The following GRIP2 variants were observed in gnomAD, a reference collection of about 807,000 sequenced individuals.
The protein encoded by GRIP2 is glutamate receptor interacting protein 2, also known as glutamate receptor-interacting protein 2.
In GRIP2, 58 loss-of-function variants were observed where a neutral mutation model predicts 108.3. That is an observed-to-expected ratio of 0.54 (90% confidence interval 0.43 to 0.67). The LOEUF (loss-of-function observed/expected upper bound fraction) is 0.67, where lower values mean the gene tolerates loss of function less well. GRIP2 is among the 30% of genes least tolerant of loss of function. The probability of loss-of-function intolerance (pLI) is 0.00; values close to 1 mark genes in which losing one functional copy is unlikely to be tolerated. For missense variants in GRIP2, 1,278 were observed against 1,430.6 expected, an observed-to-expected ratio of 0.89 and a Z score of 1.72; for synonymous variants, 586 against 598.2, an observed-to-expected ratio of 0.98 and a Z score of 0.30.
chr3:14,587,122 G>A, the GRIP2 span, among the ~76,000 whole-genome samples: 1 of 152,110 alleles, frequency 6.6e-6, no homozygotes, highest in African/African-American at 2.4e-5. Flanking sequence ...TCACTTAAGA[G>A]GATTTATTTT....
chr3:14,498,201 C>G (rs541662307), intron 21 of GRIP2, among the ~76,000 whole-genome samples: 9 of 152,170 alleles, frequency 5.9e-5, no homozygotes, highest in Admixed American at 3.3e-4. Flanking sequence ...GTGGTTTATG[C>G]TTGTAATCCC....
Position 14,514,429 on chromosome 3 carries a change from C to T in GRIP2, c.1356G>A (p.Thr452=), listed in dbSNP as rs768473053. Residue 452 remains threonine (T), a synonymous_variant, in exon 12 of 24, where the codon ACG becomes ACA. Coordinates refer to ENST00000621039, the MANE Select transcript of GRIP2 (RefSeq NM_001080423.4). ...CACAGAGCACGACCTCCGTGGTCTC[C>T]GTGTGCACAATCTGCCCGCCCGGCC... ...TVGPGGQIVH[T]ETTEVVLCGD... is the part of the protein sequence containing the mutation. The T allele has an allele frequency of 8.2e-6, 13 of 1,577,420 alleles. No individual in the cohort carries two copies. The highest frequency in any genetic ancestry group is 2.7e-5 in the African/African-American group (2 of 74,152).
At chr3:14,532,674 G>A (rs1694739245) in intron 1 of GRIP2, among the ~76,000 whole-genome samples, 1 of 151,982 alleles carries the variant, frequency 6.6e-6, no homozygotes, top group Non-Finnish European at 1.5e-5. Context: ...AGGGGAGGGG[G>A]TTCAACCTGG....
the GRIP2 span, among the ~76,000 whole-genome samples, chr3:14,567,572 C>A: frequency 1.3e-5 from 2 of 152,210 alleles, no homozygotes; most frequent in Non-Finnish European, 2.9e-5. Flanking sequence ...GGTCACAACA[C>A]ACACTGGGGA....
chr3:14,513,277 C>T (rs1027889487), intron 13 of GRIP2, among the ~76,000 whole-genome samples: 4 of 152,280 alleles, frequency 2.6e-5, no homozygotes, highest in Admixed American at 2.0e-4. Context: ...GTGAAAAGAT[C>T]GTTATCAACT....
At position 14,493,620 on chromosome 3, in the gene GRIP2, G is replaced by A. The variant is rs767972191; in HGVS notation, c.*45C>T. The A allele has an allele frequency of 6.6e-7, 1 of 1,517,680 alleles. No homozygotes were observed. Among genetic ancestry groups the A allele is most frequent in the Non-Finnish European group, 8.9e-7 (1 of 1,125,480 alleles). 94.0% of individuals were successfully genotyped at this position (1,517,680 alleles called of 1,614,324 possible). A position where few individuals can be genotyped will look rare whatever the true frequency, so the allele number is the denominator to read the frequency against. ...GCCCAGCTACGTGTCTGGGAGCCAG[G>A]ATCTGCCTGGGTGGCCCCTTAGGAG... On this transcript the variant is annotated 3_prime_UTR_variant, in exon 24 of 24. Coordinates refer to ENST00000621039, the MANE Select transcript of GRIP2 (RefSeq NM_001080423.4).
At position 14,525,903 on chromosome 3, in the gene GRIP2, C is replaced by T; in HGVS notation, c.69G>A (p.Lys23=). The change falls in exon 2 of 24, where the codon AAG becomes AAA. Residue 23 remains lysine, a synonymous_variant. Coordinates refer to ENST00000621039, the MANE Select transcript of GRIP2 (RefSeq NM_001080423.4). ...ADDGPYSKGG[K]DAGGADVSLA... Reference sequence around the variant, plus strand: ...GGGAAACGTCGGCCCCTCCTGCGTCCTTGCCTCCTTTGGAGTAGGGCCCAT... The same window carrying T: ...GGGAAACGTCGGCCCCTCCTGCGTCTTTGCCTCCTTTGGAGTAGGGCCCAT... The T allele has an allele frequency of 6.4e-7, 1 of 1,560,798 alleles. No individual in the cohort carries two copies. The highest frequency in any genetic ancestry group is 1.7e-4 in the Middle Eastern group (1 of 5,988).
chr3:14,579,593 G>T, the GRIP2 span, among the ~76,000 whole-genome samples: 2 of 152,106 alleles, frequency 1.3e-5, no homozygotes, highest in South Asian at 2.1e-4. Context: ...GCCCAACCAC[G>T]CCAGTTCTAC....
intron 1 of GRIP2, among the ~76,000 whole-genome samples, chr3:14,527,345 C>A: frequency 7.9e-6 from 1 of 126,866 alleles, no homozygotes; most frequent in African/African-American, 3.0e-5. Flanking sequence ...GATTGTTTTT[C>A]AAATTTCATT....
In GRIP2 at chr3:14,507,683, A is replaced by G. The variant is rs1476325083; in HGVS notation, c.2096T>C (p.Val699Ala). 1.2e-6 allele frequency: 2 copies of G among 1,613,946 alleles called. No individual in the cohort carries two copies. Among genetic ancestry groups the G allele is most frequent in the Non-Finnish European group, 1.7e-6 (2 of 1,179,852 alleles). ...GTTGATGGCCAGAATGCGGTCCCCCACGTGGATGGCACCAGTCCTGAGGAG... is the reference window on the plus strand; with the variant it reads ...GTTGATGGCCAGAATGCGGTCCCCCGCGTGGATGGCACCAGTCCTGAGGAG... ...GLAERTGAIH[V>A]GDRILAINNV... The change falls in exon 18 of 24, where the codon GTG becomes GCG. Residue 699 changes from valine to alanine, a missense_variant. By Grantham distance (64) the Val-to-Ala change is moderately conservative. Coordinates refer to ENST00000621039, the MANE Select transcript of GRIP2 (RefSeq NM_001080423.4). The surrounding 1 kb of genome is among the most constrained non-coding windows in gnomAD (Gnocchi z 4.6).
intron 3 of GRIP2, among the ~76,000 whole-genome samples, 173 bp downstream of exon 3, chr3:14,525,264 A>C (rs1694522075): frequency 6.6e-6 from 1 of 152,186 alleles, no homozygotes; most frequent in Non-Finnish European, 1.5e-5. Context: ...AGGGCCTAGA[A>C]TTACAGCCTC....
chr3:14,531,411 C>T (rs975467093), intron 1 of GRIP2, among the ~76,000 whole-genome samples: 3 of 152,228 alleles, frequency 2.0e-5, no homozygotes, highest in Non-Finnish European at 4.4e-5. Flanking sequence ...TGTCTGGTCA[C>T]CTGCTGGACC....
chr3:14,534,527 T>G (rs954876252), intron 1 of GRIP2, among the ~76,000 whole-genome samples: 8 of 100,120 alleles, frequency 8.0e-5, no homozygotes, highest in African/African-American at 2.6e-4. Flanking sequence ...TTTATCCATG[T>G]TTTTTTTTTT....
At chr3:14,586,124 C>G in the GRIP2 span, among the ~76,000 whole-genome samples, 1,690 of 152,300 alleles carry the variant, frequency 0.011, 25 homozygotes, top group African/African-American at 0.038. Context: ...GTTCCCTCTA[C>G]CTGGACCACT....
chr3:14,513,381 C>G (rs1388922619), intron 13 of GRIP2, among the ~76,000 whole-genome samples: 3 of 152,176 alleles, frequency 2.0e-5, no homozygotes, highest in Non-Finnish European at 2.9e-5. Flanking sequence ...AACTGTTGTT[C>G]GAGGTTCTTT....
At position 14,513,648 on chromosome 3, in the gene GRIP2, T is replaced by C. The variant is rs1445675686; in HGVS notation, c.1639+17A>G. On this transcript the variant is annotated intron_variant, in intron 13 of 23. Coordinates refer to ENST00000621039, the MANE Select transcript of GRIP2 (RefSeq NM_001080423.4). ...GGGCCCTGAAATATGAGGAGGAAGCTTGGGCCACTCACTCACCCGCCACAT... is the reference window on the plus strand; with the variant it reads ...GGGCCCTGAAATATGAGGAGGAAGCCTGGGCCACTCACTCACCCGCCACAT... The C allele has an allele frequency of 6.3e-7, 1 of 1,593,752 alleles. No homozygotes were observed. The highest frequency in any genetic ancestry group is 2.3e-5 in the East Asian group (1 of 43,536).
intron 1 of GRIP2, among the ~76,000 whole-genome samples, chr3:14,531,827 C>T (rs556163324): frequency 2.0e-5 from 3 of 152,344 alleles, no homozygotes; most frequent in Admixed American, 2.0e-4. Context: ...TCTAAGTCTC[C>T]TTTCTCAGTA....
chr3:14,573,704 G>A, the GRIP2 span: 7 of 1,417,972 alleles, frequency 4.9e-6, no homozygotes, highest in South Asian at 2.3e-5. Flanking sequence ...TCGGCCACTT[G>A]GTAATGTCTT....
the GRIP2 span, among the ~76,000 whole-genome samples, chr3:14,569,452 G>A: frequency 6.6e-6 from 1 of 152,318 alleles, no homozygotes; most frequent in Admixed American, 6.5e-5. Context: ...TCCCAGGGAG[G>A]CCTAGGGGAT....
Sources: gnomAD v4.1 joint callset for allele counts (sites outside exome capture counted in the v4.1 genomes callset) on GRCh38, gnomAD v4.1.1 for gene constraint, Gnocchi (gnomAD v3.1) non-coding constraint, MANE v1.5 for transcripts, NCBI Gene and HGNC (gene_info 2026-07-23, HGNC 2026-07-21) for gene names.